The following EIF2AK4 variants were observed in gnomAD, a reference collection of about 807,000 sequenced individuals.
EIF2AK4 encodes eIF-2-alpha kinase GCN2.
In EIF2AK4, 139 loss-of-function variants were observed where a neutral mutation model predicts 211.1. That is an observed-to-expected ratio of 0.66 (90% confidence interval 0.57 to 0.76). EIF2AK4 has a LOEUF of 0.76. Ranked by LOEUF, EIF2AK4 falls within the 30% of genes least tolerant of loss-of-function variation. The pLI is 0.00. For synonymous variants in EIF2AK4, 710 were observed against 751.3 expected (o/e 0.94, Z 0.90); for missense variants, 1,664 against 2,043.8 (o/e 0.81, Z 3.58).
chr15:39,949,999 TTTTAA>T (rs1256915454), intron 4 of EIF2AK4, among the ~76,000 whole-genome samples: 16 of 152,002 alleles, frequency 1.1e-4, no homozygotes, highest in Non-Finnish European at 1.5e-4. Flanking sequence ...CCCTTTTTTA[TTTTAA>T]TTTATTTTTC....
chr15:40,025,326 A>G (rs1272172347), intron 32 of EIF2AK4, among the ~76,000 whole-genome samples: 3 of 152,238 alleles, frequency 2.0e-5, no homozygotes, highest in Non-Finnish European at 2.9e-5. Flanking sequence ...AATGTTTTGA[A>G]CAGAAGGAGA....
chr15:39,939,645 G>A lies in EIF2AK4; in HGVS notation c.257+28G>A, dbSNP rs140982735. 47 of 1,549,518 alleles carry A rather than the reference G, an allele frequency of 3.0e-5. 1 individual carries two copies. The African/African-American group carries it at 4.1e-4, about 13-fold the overall frequency. Reference sequence around the variant, plus strand: ...GAGTACATTTATAAATAGCTTTGACGTGGTTTCAGTTTTCTGTTTTGACAA... The same window carrying A: ...GAGTACATTTATAAATAGCTTTGACATGGTTTCAGTTTTCTGTTTTGACAA... On this transcript the variant is annotated intron_variant, in intron 2 of 38. Transcript: ENST00000263791.
chr15:39,983,103 T>A (rs2034816616), intron 13 of EIF2AK4, among the ~76,000 whole-genome samples: 1 of 152,224 alleles, frequency 6.6e-6, no homozygotes, highest in African/African-American at 2.4e-5. Flanking sequence ...TAGTTCTAGA[T>A]CCTTGAGGAA....
intron 19 of EIF2AK4, 51 bp downstream of exon 19, chr15:39,997,116 C>T (rs1191931901): frequency 7.9e-7 from 1 of 1,267,424 alleles, no homozygotes; most frequent in Non-Finnish European, 1.2e-6. Context: ...GGAATCTTAG[C>T]ACAGAGATCA....
At chr15:40,028,702 C>A (rs2035498855) in intron 33 of EIF2AK4, among the ~76,000 whole-genome samples, 1 of 152,122 alleles carries the variant, frequency 6.6e-6, no homozygotes, top group African/African-American at 2.4e-5. Flanking sequence ...TCTGAGGGAA[C>A]ATAATGTTCT....
intron 14 of EIF2AK4, among the ~76,000 whole-genome samples, chr15:39,987,023 C>A (rs1836608881): frequency 6.6e-6 from 1 of 152,200 alleles, no homozygotes; most frequent in South Asian, 2.1e-4. Context: ...CAAGTTACAG[C>A]ATTTTGAATG....
intron 13 of EIF2AK4, among the ~76,000 whole-genome samples, chr15:39,984,924 T>A (rs1321472976): frequency 6.6e-6 from 1 of 152,232 alleles, no homozygotes; most frequent in Admixed American, 6.5e-5. Context: ...ATCCTTGTCT[T>A]GTGCCGATTT....
At chr15:39,981,924 CTTTTTTTT>C (rs34776250) in intron 13 of EIF2AK4, among the ~76,000 whole-genome samples, 1 of 122,306 alleles carries the variant, frequency 8.2e-6, no homozygotes, top group South Asian at 2.6e-4. Flanking sequence ...AATGTGGTCA[CTTTTTTTT>C]TTTTTTTTTT....
intron 2 of EIF2AK4, among the ~76,000 whole-genome samples, chr15:39,940,514 G>A (rs1350241672): frequency 6.6e-6 from 1 of 152,136 alleles, no homozygotes; most frequent in Admixed American, 6.5e-5. Context: ...TCAAAATTGA[G>A]CTCCTTGAAG....
chr15:40,011,586 G>A (rs938340121), intron 27 of EIF2AK4, among the ~76,000 whole-genome samples: 1 of 152,180 alleles, frequency 6.6e-6, no homozygotes, highest in African/African-American at 2.4e-5. Flanking sequence ...TAATCATCCT[G>A]CTCTTTCTTG....
intron 17 of EIF2AK4, 146 bp from the exon 18 acceptor site, chr15:39,992,623 G>C (rs2034959454): frequency 1.5e-6 from 1 of 662,648 alleles, no homozygotes; most frequent in East Asian, 2.7e-5. Flanking sequence ...TTATTCATTT[G>C]GTACAATGCA....
chr15:39,979,947 C>T (rs7175589), intron 13 of EIF2AK4, among the ~76,000 whole-genome samples: 61,997 of 152,000 alleles, frequency 0.41, 12,850 homozygotes, highest in South Asian at 0.53. Flanking sequence ...GAGGGGAAGG[C>T]GCAAGAAGCT....
chr15:39,939,305 T>C (rs2034111475), intron 1 of EIF2AK4, among the ~76,000 whole-genome samples, 200 bp from the exon 2 acceptor site: 1 of 152,200 alleles, frequency 6.6e-6, no homozygotes, highest in African/African-American at 2.4e-5. Context: ...TTAGATAACT[T>C]AAAAAAGGAA....
intron 9 of EIF2AK4, among the ~76,000 whole-genome samples, chr15:39,971,984 T>C (rs568338632): frequency 6.6e-6 from 1 of 152,278 alleles, no homozygotes; most frequent in African/African-American, 2.4e-5. Flanking sequence ...GGCTTGTTTT[T>C]CTTCATTAAA....
intron 2 of EIF2AK4, among the ~76,000 whole-genome samples, chr15:39,941,855 C>T (rs972948067): frequency 7.2e-5 from 11 of 152,132 alleles, no homozygotes; most frequent in African/African-American, 2.7e-4. Flanking sequence ...GCCAAAATCA[C>T]CCCTGGTTAA....
intron 32 of EIF2AK4, among the ~76,000 whole-genome samples, chr15:40,024,228 T>A: frequency 6.7e-6 from 1 of 148,366 alleles, no homozygotes; most frequent in African/African-American, 2.6e-5. Context: ...CTTTTTTTTT[T>A]AAGAGATGGG....
chr15:40,027,315 C>T (rs184002568), intron 33 of EIF2AK4, among the ~76,000 whole-genome samples: 5 of 152,154 alleles, frequency 3.3e-5, no homozygotes, highest in African/African-American at 7.2e-5. Flanking sequence ...CTGGAAAACT[C>T]GGTTGCACAT....
rs146941164 is a variant in EIF2AK4 at position 39,982,399 on chromosome 15, A to C, written c.2320-3406A>C. On this transcript the variant is annotated intron_variant, in intron 13 of 38. Coordinates refer to ENST00000263791, the MANE Select transcript of EIF2AK4 (RefSeq NM_001013703.4). ...TCAGCGGTAAGAAAGAATTGACTTG[A>C]CAAGGAGTTTTTCTGTTTAATACCT... 2.6e-5 allele frequency among the ~76,000 whole-genome samples: 4 copies of C among 152,306 alleles called. No homozygotes were observed. In the East Asian group the frequency reaches 7.7e-4, roughly 29 times the overall value.
intron 24 of EIF2AK4, among the ~76,000 whole-genome samples, chr15:40,007,576 A>G (rs1297839789): frequency 6.6e-6 from 1 of 152,198 alleles, no homozygotes; most frequent in Non-Finnish European, 1.5e-5. Context: ...TTCAAATACC[A>G]CAGGGGTCCA....
Sources: gnomAD v4.1 joint callset for allele counts (sites outside exome capture counted in the v4.1 genomes callset) on GRCh38, gnomAD v4.1.1 for gene constraint, MANE v1.5 for transcripts, NCBI Gene and HGNC (gene_info 2026-07-23, HGNC 2026-07-21) for gene names.